DIAPH3: variants seen among roughly 807,000 people sequenced by gnomAD.
The protein encoded by DIAPH3 is protein diaphanous homolog 3.
In DIAPH3, 117 loss-of-function variants were observed where a neutral mutation model predicts 144.3. The observed-to-expected ratio is 0.81, with a 90% CI of 0.70 to 0.95. The LOEUF (loss-of-function observed/expected upper bound fraction) is 0.95. Among genes scored for constraint, DIAPH3 ranks in the 40% least tolerant of loss-of-function variants. DIAPH3 has a pLI of 0.00. For missense variants in DIAPH3, 1,421 were observed against 1,412.7 expected (o/e 1.01, Z -0.09); for synonymous variants, 519 against 488.9 (o/e 1.06, Z -0.81).
At chr13:60,105,398 C>G (rs1013627337) in intron 3 of DIAPH3, among the ~76,000 whole-genome samples, 3 of 152,164 alleles carry the variant, frequency 2.0e-5, no homozygotes, top group Non-Finnish European at 2.9e-5. Context: ...ATTCCTCCCT[C>G]TAACCATTTT....
chr13:59,963,259 C>T (rs917071005), intron 17 of DIAPH3, among the ~76,000 whole-genome samples: 2 of 152,064 alleles, frequency 1.3e-5, no homozygotes, highest in Non-Finnish European at 1.5e-5. Context: ...AATGATTTAA[C>T]CTTGAGGGAC....
At chr13:59,923,099 T>G (rs1214662490) in intron 18 of DIAPH3, among the ~76,000 whole-genome samples, 1 of 152,106 alleles carries the variant, frequency 6.6e-6, no homozygotes, top group Non-Finnish European at 1.5e-5. Context: ...TGAAATCCCA[T>G]GTAGAACATG....
At chr13:59,769,042 A>G (rs534937760) in intron 27 of DIAPH3, among the ~76,000 whole-genome samples, 59 of 152,274 alleles carry the variant, frequency 3.9e-4, no homozygotes, top group African/African-American at 6.0e-4. Context: ...TGGAAAAAAA[A>G]TCCCACTGTA....
intron 5 of DIAPH3, among the ~76,000 whole-genome samples, chr13:60,037,288 A>T (rs973750349): frequency 2.0e-5 from 3 of 152,050 alleles, no homozygotes; most frequent in Non-Finnish European, 4.4e-5. Flanking sequence ...GCGGGGACAA[A>T]AATCAAAAAG....
chr13:59,996,097 G>A (rs2052172923), intron 9 of DIAPH3, among the ~76,000 whole-genome samples: 2 of 151,960 alleles, frequency 1.3e-5, no homozygotes, highest in Admixed American at 1.3e-4. Context: ...AATAAAACAA[G>A]GACTAATCAA....
rs1016552573 is a variant in DIAPH3 at position 60,142,797 on chromosome 13, G to A, written c.181-9808C>T. 3.3e-5 allele frequency among the ~76,000 whole-genome samples: 5 copies of A among 151,714 alleles called. No individual in the cohort carries two copies. The South Asian group carries it at 6.3e-4, about 19-fold the overall frequency. Reference sequence around the variant, plus strand: ...TTTAGAGACAGGGTCTTGCTGTGTCGCCCAAGCTGGAATGCAATGGAGGGA... The same window carrying A: ...TTTAGAGACAGGGTCTTGCTGTGTCACCCAAGCTGGAATGCAATGGAGGGA... On this transcript the variant is annotated intron_variant, in intron 1 of 27. Transcript: ENST00000400324.
chr13:59,940,561 G>T (rs1469817311), intron 17 of DIAPH3, among the ~76,000 whole-genome samples: 1 of 152,062 alleles, frequency 6.6e-6, no homozygotes, highest in East Asian at 1.9e-4. Context: ...ATATGCTTAA[G>T]ACTATTTTAC....
At chr13:59,793,734 T>A (rs1044529935) in intron 25 of DIAPH3, among the ~76,000 whole-genome samples, 1 of 152,214 alleles carries the variant, frequency 6.6e-6, no homozygotes, top group Non-Finnish European at 1.5e-5. Context: ...CAAGTTTTTA[T>A]CACCAGCAAC....
At chr13:59,732,392 TCC>T (rs2035932305) in intron 27 of DIAPH3, among the ~76,000 whole-genome samples, 1 of 151,240 alleles carries the variant, frequency 6.6e-6, no homozygotes, top group African/African-American at 2.4e-5. Context: ...AATTGTTTTG[TCC>T]TATTTATAAT....
intron 27 of DIAPH3, among the ~76,000 whole-genome samples, chr13:59,737,766 C>T (rs1348125526): frequency 6.6e-6 from 1 of 152,182 alleles, no homozygotes; most frequent in South Asian, 2.1e-4. Context: ...CAACAAAACA[C>T]TGGCCATTAT....
intron 20 of DIAPH3, among the ~76,000 whole-genome samples, chr13:59,881,099 T>A (rs367829925): frequency 6.6e-6 from 1 of 151,810 alleles, no homozygotes; most frequent in African/African-American, 2.4e-5. Flanking sequence ...TTATTGGGCA[T>A]GAATTGTTCT....
intron 27 of DIAPH3, among the ~76,000 whole-genome samples, chr13:59,752,201 T>C (rs1361725353): frequency 6.6e-6 from 1 of 152,134 alleles, no homozygotes; most frequent in Non-Finnish European, 1.5e-5. Context: ...AAATACTCTA[T>C]AAGGTAGGTA....
chr13:59,745,668 GTA>G (rs542821019), intron 27 of DIAPH3, among the ~76,000 whole-genome samples: 2 of 152,162 alleles, frequency 1.3e-5, no homozygotes, highest in African/African-American at 4.8e-5. Flanking sequence ...CTGAAACAAT[GTA>G]TTATACTAGC....
intron 27 of DIAPH3, among the ~76,000 whole-genome samples, chr13:59,698,584 C>G (rs2033940639): frequency 6.6e-6 from 1 of 152,160 alleles, no homozygotes; most frequent in Non-Finnish European, 1.5e-5. Flanking sequence ...TTTTTAAAAT[C>G]TCTCTTGCAT....
intron 18 of DIAPH3, among the ~76,000 whole-genome samples, chr13:59,916,989 T>C (rs1193956411): frequency 1.3e-5 from 2 of 152,206 alleles, no homozygotes; most frequent in Non-Finnish European, 2.9e-5. Context: ...CAGCAACAGA[T>C]ACAACGCTTT....
chr13:60,154,558 G>A (rs1436687782), intron 1 of DIAPH3, among the ~76,000 whole-genome samples: 1 of 152,158 alleles, frequency 6.6e-6, no homozygotes, highest in East Asian at 1.9e-4. Context: ...CTAGTAACAT[G>A]AATGTTTCAG....
At chr13:60,145,019 A>T (rs1016458023) in intron 1 of DIAPH3, among the ~76,000 whole-genome samples, 3 of 152,330 alleles carry the variant, frequency 2.0e-5, no homozygotes, top group East Asian at 3.9e-4. Context: ...AGCCCACCTT[A>T]TCACTACTAC....
chr13:60,136,817 G>A (rs1277007001), intron 1 of DIAPH3, among the ~76,000 whole-genome samples: 1 of 152,080 alleles, frequency 6.6e-6, no homozygotes, highest in Non-Finnish European at 1.5e-5. Context: ...GCGGGTGCCT[G>A]CAGTCCCAGC....
At chr13:60,014,213 G>A (rs1221288250) in intron 7 of DIAPH3, among the ~76,000 whole-genome samples, 4 of 152,040 alleles carry the variant, frequency 2.6e-5, no homozygotes, top group Admixed American at 2.0e-4. Context: ...CATCACCAAT[G>A]AAATTTCCAA....
Sources: allele counts gnomAD v4.1 joint callset (sites outside exome capture counted in the v4.1 genomes callset), GRCh38; gene constraint gnomAD v4.1.1; transcripts MANE v1.5; gene names NCBI Gene and HGNC (gene_info 2026-07-23, HGNC 2026-07-21).